GPR158: variants seen among roughly 807,000 people sequenced by gnomAD.
GPR158 encodes the protein metabotropic glycine receptor.
In GPR158, 30 loss-of-function variants were observed where a neutral mutation model predicts 78.2. That is an observed-to-expected ratio of 0.38 (90% confidence interval 0.29 to 0.52). The LOEUF (loss-of-function observed/expected upper bound fraction) is 0.52. Ranked by LOEUF, GPR158 falls within the 20% of genes least tolerant of loss-of-function variation. GPR158 has a pLI of 0.83. For synonymous variants in GPR158, 581 were observed against 591.1 expected (o/e 0.98, Z 0.25); for missense variants, 1,463 against 1,523.5 (o/e 0.96, Z 0.66).
At chr10:25,489,701 T>G (rs1835779308) in intron 5 of GPR158, among the ~76,000 whole-genome samples, 1 of 152,124 alleles carries the variant, frequency 6.6e-6, no homozygotes, top group Admixed American at 6.6e-5. Context: ...TTCAGTCGCC[T>G]CCTTCATGTG....
chr10:25,231,083 T>C (rs1853441997), intron 2 of GPR158, among the ~76,000 whole-genome samples: 1 of 152,236 alleles, frequency 6.6e-6, no homozygotes, highest in African/African-American at 2.4e-5. Context: ...TCACTTTATA[T>C]GTGCTTGTGC....
chr10:25,389,941 T>C (rs966463342), intron 2 of GPR158, among the ~76,000 whole-genome samples: 1 of 152,158 alleles, frequency 6.6e-6, no homozygotes, highest in Non-Finnish European at 1.5e-5. Context: ...TGGGAGGTAA[T>C]TGAATCATGG....
intron 2 of GPR158, among the ~76,000 whole-genome samples, chr10:25,287,813 TA>T (rs1158841576): frequency 2.0e-5 from 3 of 152,158 alleles, no homozygotes; most frequent in African/African-American, 7.2e-5. Context: ...TTTTATTGGC[TA>T]TTTTTATTGT....
intron 2 of GPR158, among the ~76,000 whole-genome samples, chr10:25,341,853 CAAAA>C (rs1035115670): frequency 1.3e-4 from 19 of 147,358 alleles, no homozygotes; most frequent in African/African-American, 4.9e-4. Flanking sequence ...AAAACAAAAA[CAAAA>C]AAAAACAGAG....
At chr10:25,559,368 C>T (rs561827696) in intron 6 of GPR158, among the ~76,000 whole-genome samples, 7 of 152,256 alleles carry the variant, frequency 4.6e-5, no homozygotes, top group Admixed American at 4.6e-4. Context: ...AAGACACTCT[C>T]ATATTATGCT....
intron 5 of GPR158, among the ~76,000 whole-genome samples, chr10:25,473,249 G>T (rs567629761): frequency 6.6e-6 from 1 of 152,008 alleles, no homozygotes; most frequent in Admixed American, 6.6e-5. Context: ...TTATATGCTG[G>T]ATTACATTTA....
intron 4 of GPR158, among the ~76,000 whole-genome samples, chr10:25,443,799 C>T (rs895268955): frequency 2.0e-5 from 3 of 151,864 alleles, no homozygotes; most frequent in African/African-American, 7.3e-5. Flanking sequence ...GTACTTTTCT[C>T]CCTCTGCCAT....
chr10:25,368,900 G>A (rs1382976856), intron 2 of GPR158, among the ~76,000 whole-genome samples: 1 of 148,232 alleles, frequency 6.7e-6, no homozygotes, highest in Non-Finnish European at 1.5e-5. Flanking sequence ...CTTGTAAGTT[G>A]GATTCCTAGG....
chr10:25,188,822 A>G (rs1852727532), intron 1 of GPR158, among the ~76,000 whole-genome samples: 1 of 152,242 alleles, frequency 6.6e-6, no homozygotes, highest in Non-Finnish European at 1.5e-5. Flanking sequence ...ACAGCAAAAG[A>G]AACTACCATC....
At chr10:25,515,325 C>T (rs1437859498) in intron 5 of GPR158, among the ~76,000 whole-genome samples, 2 of 151,392 alleles carry the variant, frequency 1.3e-5, no homozygotes, top group Admixed American at 1.3e-4. Flanking sequence ...CTAAGTATGT[C>T]CTTCATTTTT....
At chr10:25,301,727 C>CTT (rs112629509) in intron 2 of GPR158, among the ~76,000 whole-genome samples, 30,699 of 151,786 alleles carry the variant, frequency 0.2, 5,219 homozygotes, top group African/African-American at 0.47. Context: ...CTAGAATAGA[C>CTT]TTAAAATCAA....
At chr10:25,417,403 G>T (rs890802409) in intron 4 of GPR158, among the ~76,000 whole-genome samples, 7 of 152,092 alleles carry the variant, frequency 4.6e-5, no homozygotes, top group African/African-American at 1.7e-4. Flanking sequence ...ACTGCTACAT[G>T]ACTGTGGTAG....
At chr10:25,294,426 A>C (rs1158346374) in intron 2 of GPR158, among the ~76,000 whole-genome samples, 1 of 152,168 alleles carries the variant, frequency 6.6e-6, no homozygotes, top group Non-Finnish European at 1.5e-5. Context: ...CAGCAAGATA[A>C]TTTCAGTTCA....
intron 4 of GPR158, among the ~76,000 whole-genome samples, chr10:25,425,225 AT>A (rs1242184478): frequency 6.6e-6 from 1 of 152,106 alleles, no homozygotes; most frequent in African/African-American, 2.4e-5. Flanking sequence ...TTGAACATTG[AT>A]TTTGTATCCT....
chr10:25,588,897 C>T (rs959173597), intron 7 of GPR158, 110 bp from the exon 8 acceptor site: 10 of 575,994 alleles, frequency 1.7e-5, no homozygotes, highest in Non-Finnish European at 2.9e-5. Flanking sequence ...GACTTTCTAA[C>T]CCATCTATTT....
chr10:25,456,731 C>T (rs753069682), intron 4 of GPR158, among the ~76,000 whole-genome samples: 1 of 152,096 alleles, frequency 6.6e-6, no homozygotes, highest in Non-Finnish European at 1.5e-5. Flanking sequence ...CTTGTGAAGT[C>T]TATTGAACTT....
chr10:25,440,934 A>G (rs2130588593), intron 4 of GPR158, among the ~76,000 whole-genome samples: 1 of 152,326 alleles, frequency 6.6e-6, no homozygotes, highest in East Asian at 1.9e-4. Flanking sequence ...TTTAAAATAG[A>G]TTAGAGGTAG....
At chr10:25,389,413 A>G (rs146633135) in intron 2 of GPR158, among the ~76,000 whole-genome samples, 2 of 152,288 alleles carry the variant, frequency 1.3e-5, no homozygotes, top group African/African-American at 4.8e-5. Context: ...AGTCATCAGG[A>G]TGACCTGCCT....
chr10:25,589,086 C>T lies in GPR158; in HGVS notation c.1833C>T (p.Arg611=). 1 of 1,612,156 alleles carries T rather than the reference C, an allele frequency of 6.2e-7. No individual in the cohort carries two copies. Among genetic ancestry groups the T allele is most frequent in the African/African-American group, 1.3e-5 (1 of 75,006 alleles). ...RTVPSAFHEP[R]YMAVAVHNEL... Reference sequence around the variant, plus strand: ...TCCCATCGGCATTCCATGAGCCCCGCTATATGGCTGTTGCAGTTCACAATG... The same window carrying T: ...TCCCATCGGCATTCCATGAGCCCCGTTATATGGCTGTTGCAGTTCACAATG... Residue 611 remains arginine (R), a synonymous_variant, in exon 8 of 11, where the codon CGC becomes CGT. Coordinates refer to ENST00000376351, the MANE Select transcript of GPR158 (RefSeq NM_020752.3).
Sources: gnomAD v4.1 joint callset for allele counts (sites outside exome capture counted in the v4.1 genomes callset) on GRCh38, gnomAD v4.1.1 for gene constraint, MANE v1.5 for transcripts, NCBI Gene and HGNC (gene_info 2026-07-23, HGNC 2026-07-21) for gene names.